CYP4X1: variants seen among roughly 807,000 people sequenced by gnomAD.
CYP4X1 encodes the protein cytochrome P450 family 4 subfamily X member 1.
A neutral mutation model predicts 57.9 loss-of-function variants in CYP4X1; 44 were observed. That is an observed-to-expected ratio of 0.76 (90% confidence interval 0.60 to 0.98). CYP4X1 has a LOEUF of 0.98. Ranked by LOEUF, CYP4X1 falls within the 50% of genes least tolerant of loss-of-function variation. CYP4X1 has a pLI of 0.00. For synonymous variants in CYP4X1, 227 were observed against 228.6 expected (o/e 0.99, Z 0.06); for missense variants, 532 against 623.9 (o/e 0.85, Z 1.57).
At chr1:46,983,860 G>C in the CYP4X1 span, among the ~76,000 whole-genome samples, 1 of 152,116 alleles carries the variant, frequency 6.6e-6, no homozygotes, top group Non-Finnish European at 1.5e-5. Flanking sequence ...GCTTCACTGG[G>C]GTCCCAGGTC....
the CYP4X1 span, among the ~76,000 whole-genome samples, chr1:46,996,131 C>A: frequency 3.9e-5 from 6 of 152,212 alleles, no homozygotes; most frequent in Non-Finnish European, 8.8e-5. Flanking sequence ...CTTTCTATCA[C>A]AACAACTCTA....
intron 11 of CYP4X1, 92 bp from the exon 12 acceptor site, chr1:47,049,908 T>A: frequency 5.5e-6 from 7 of 1,279,612 alleles, no homozygotes; most frequent in Non-Finnish European, 7.7e-6. Flanking sequence ...ATCACTTTAC[T>A]GTGTACTTCA....
rs1557611073 is a variant in CYP4X1, at chr1:47,046,492, A to G, written c.1099A>G (p.Thr367Ala). ...GGACCAGCTGGGTGAGATGTCGTACACCACAATGTGCATCAAGGAGACGTG... is the reference window on the plus strand; with the variant it reads ...GGACCAGCTGGGTGAGATGTCGTACGCCACAATGTGCATCAAGGAGACGTG... Reference protein sequence around the residue: ...TWDQLGEMSYTTMCIKETCRL... With the variant: ...TWDQLGEMSYATMCIKETCRL... The change falls in exon 9 of 12, where the codon ACC (threonine) becomes GCC (alanine). Residue 367 changes from threonine to alanine, a missense_variant. Coordinates refer to ENST00000371901, the MANE Select transcript of CYP4X1 (RefSeq NM_178033.2). 1 of 1,614,140 alleles carries G rather than the reference A, an allele frequency of 6.2e-7. No individual in the cohort carries two copies. Among genetic ancestry groups the G allele is most frequent in the East Asian group, 2.2e-5 (1 of 44,880 alleles).
At chr1:47,031,620 G>A (rs115416850) in intron 3 of CYP4X1, 140 bp downstream of exon 3, 14,581 of 898,258 alleles carry the variant, frequency 0.016, 145 homozygotes, top group Non-Finnish European at 0.02. Context: ...TTATCTAGGG[G>A]AAAGATTGAA....
intron 8 of CYP4X1, among the ~76,000 whole-genome samples, chr1:47,040,679 A>G (rs1644236210): frequency 6.6e-6 from 1 of 152,086 alleles, no homozygotes; most frequent in Non-Finnish European, 1.5e-5. Flanking sequence ...TGTTATATAT[A>G]TATGTATGTG....
chr1:47,025,777 G>T (rs777530157), intron 1 of CYP4X1, among the ~76,000 whole-genome samples: 4 of 151,944 alleles, frequency 2.6e-5, no homozygotes, highest in African/African-American at 9.7e-5. Flanking sequence ...AAATCTGTTC[G>T]TTTTTTTGGA....
chr1:47,048,734 C>A, intron 10 of CYP4X1, 105 bp downstream of exon 10: 4 of 1,068,930 alleles, frequency 3.7e-6, no homozygotes, highest in Non-Finnish European at 5.4e-6. Context: ...GGAAATGACA[C>A]AAATTAAACA....
chr1:46,990,252 C>T, the CYP4X1 span, among the ~76,000 whole-genome samples: 1 of 152,176 alleles, frequency 6.6e-6, no homozygotes, highest in Non-Finnish European at 1.5e-5. Context: ...TATGAACAGA[C>T]ATTTGTCAAA....
intron 9 of CYP4X1, among the ~76,000 whole-genome samples, chr1:47,047,158 C>T (rs752333160): frequency 5.3e-5 from 8 of 152,178 alleles, no homozygotes; most frequent in Non-Finnish European, 8.8e-5. Context: ...AATCCAGAGG[C>T]AGCCCCAATG....
In CYP4X1 at chr1:47,035,857, G is replaced by T; in HGVS notation, c.544G>T (p.Glu182Ter). Reference protein sequence around the residue: ...STQDTSVEVYEHINSMSLDII... With the variant: ...STQDTSVEVY ...TCAGGACACAAGCGTGGAGGTCTATGAGCACATCAACTCGATGTCTCTGGA... is the reference window on the plus strand; with the variant it reads ...TCAGGACACAAGCGTGGAGGTCTATTAGCACATCAACTCGATGTCTCTGGA... The change falls in exon 5 of 12, where the codon GAG becomes TAG. Residue 182 changes from glutamate (E) to a stop codon, truncating the protein, a stop_gained. Transcript: ENST00000371901. LOFTEE classifies it high-confidence loss of function. The T allele has an allele frequency of 6.2e-7, 1 of 1,613,698 alleles. No individual in the cohort carries two copies. Among genetic ancestry groups the T allele is most frequent in the South Asian group, 1.1e-5 (1 of 91,020 alleles).
chr1:47,033,718 A>C (rs1044078264), intron 4 of CYP4X1, among the ~76,000 whole-genome samples: 5 of 152,196 alleles, frequency 3.3e-5, no homozygotes, highest in African/African-American at 1.2e-4. Context: ...AGGCTGAAGA[A>C]AAAGGCTGAC....
the CYP4X1 span, among the ~76,000 whole-genome samples, chr1:46,963,008 G>A: frequency 2.6e-5 from 4 of 152,092 alleles, no homozygotes; most frequent in African/African-American, 7.2e-5. Flanking sequence ...ATTATATAAT[G>A]GCCTTCTTTG....
chr1:46,989,665 A>T, the CYP4X1 span, among the ~76,000 whole-genome samples: 1 of 152,256 alleles, frequency 6.6e-6, no homozygotes, highest in Non-Finnish European at 1.5e-5. Flanking sequence ...ACAAGGCTAC[A>T]GTAACCAAAA....
At position 47,046,587 on chromosome 1, in the gene CYP4X1, C is replaced by T; in HGVS notation, c.1194C>T (p.Cys398=). 5 of 1,614,118 alleles carry T rather than the reference C, an allele frequency of 3.1e-6. No homozygotes were observed. The highest frequency in any genetic ancestry group is 2.2e-5 in the East Asian group (1 of 44,880). The change falls in exon 9 of 12, where the codon TGC becomes TGT. Residue 398 remains cysteine, a synonymous_variant. Transcript: ENST00000371901. The part of the protein sequence containing the change: ...LSKPLTFPDG[C]TLPAGITVVL... ...AGCCACTTACCTTCCCAGATGGATG[C>T]ACATTGCCTGCAGGTCTTTACATTC...
chr1:46,981,296 G>A, the CYP4X1 span, among the ~76,000 whole-genome samples: 1 of 151,866 alleles, frequency 6.6e-6, no homozygotes, highest in Non-Finnish European at 1.5e-5. Context: ...AAAAAAATCA[G>A]ACACTCCATC....
In CYP4X1 at chr1:47,033,293, A is replaced by C. The variant is rs553718215; in HGVS notation, c.417A>C (p.Leu139=). ...DGPKWFQHRR[L]LTPGFHFNIL... is the part of the protein sequence containing the mutation. ...CCAAGTGGTTCCAGCATCGTCGCCTACTAACTCCTGGATTCCATTTTAACA... is the reference window on the plus strand; with the variant it reads ...CCAAGTGGTTCCAGCATCGTCGCCTCCTAACTCCTGGATTCCATTTTAACA... Residue 139 remains leucine (L), a synonymous_variant, in exon 4 of 12, where the codon CTA becomes CTC. Coordinates refer to ENST00000371901, the MANE Select transcript of CYP4X1 (RefSeq NM_178033.2). The C allele has an allele frequency of 5.9e-5, 96 of 1,613,832 alleles. 1 individual carries two copies. In the South Asian group the frequency reaches 1.0e-3, roughly 17 times the overall value.
intron 3 of CYP4X1, among the ~76,000 whole-genome samples, chr1:47,032,251 T>C (rs1415706304): frequency 6.6e-6 from 1 of 152,196 alleles, no homozygotes; most frequent in Non-Finnish European, 1.5e-5. Flanking sequence ...ATAATTGGTA[T>C]TTATGTTAAA....
At chr1:47,020,605 G>A (rs1643985780), upstream of CYP4X1, among the ~76,000 whole-genome samples, 1 of 152,178 alleles carries the variant, frequency 6.6e-6, no homozygotes, top group South Asian at 2.1e-4. Flanking sequence ...CTGGGACACA[G>A]TAAATGTTCA....
At chr1:47,016,347 T>A in the CYP4X1 span, among the ~76,000 whole-genome samples, 85 of 126,846 alleles carry the variant, frequency 6.7e-4, no homozygotes, top group East Asian at 2.5e-3. Context: ...CTTTTTTTTT[T>A]AATTTTTTTT....
Sources: allele counts gnomAD v4.1 joint callset (sites outside exome capture counted in the v4.1 genomes callset), GRCh38; gene constraint gnomAD v4.1.1; transcripts MANE v1.5; gene names NCBI Gene and HGNC (gene_info 2026-07-23, HGNC 2026-07-21).